ARPC1A: variants seen among roughly 807,000 people sequenced by gnomAD.
ARPC1A encodes the protein actin related protein 2/3 complex subunit 1A, also known as actin-related protein 2/3 complex subunit 1A.
ARPC1A carries 8 observed loss-of-function variants against 46.9 expected under a neutral mutation model. The observed-to-expected ratio is 0.17, with a 90% CI of 0.10 to 0.31. The LOEUF (loss-of-function observed/expected upper bound fraction) is 0.31. Among genes scored for constraint, ARPC1A ranks in the 10% least tolerant of loss-of-function variants. The pLI is 1.00. For missense variants in ARPC1A, 286 were observed against 483.6 expected, an observed-to-expected ratio of 0.59 and a Z score of 3.83; for synonymous variants, 152 against 169.0, an observed-to-expected ratio of 0.90 and a Z score of 0.78.
chr7:99,353,456 C>T (rs1404066662), intron 5 of ARPC1A, among the ~76,000 whole-genome samples: 1 of 124,412 alleles, frequency 8.0e-6, no homozygotes, highest in African/African-American at 3.8e-5. Flanking sequence ...CCGCACCCAG[C>T]CTTATTTATT....
intron 1 of ARPC1A, among the ~76,000 whole-genome samples, chr7:99,328,309 C>T (rs909962283): frequency 6.6e-6 from 1 of 152,042 alleles, no homozygotes; most frequent in African/African-American, 2.4e-5. Context: ...ACGGAGGTTG[C>T]GGTGAGCTGA....
chr7:99,328,027 C>T (rs897456771), intron 1 of ARPC1A, among the ~76,000 whole-genome samples: 5 of 152,154 alleles, frequency 3.3e-5, no homozygotes, highest in Non-Finnish European at 5.9e-5. Context: ...CATATGTCAA[C>T]GTTTCCAAGC....
intron 5 of ARPC1A, among the ~76,000 whole-genome samples, chr7:99,353,538 C>T (rs985190652): frequency 1.3e-5 from 2 of 151,306 alleles, no homozygotes; most frequent in African/African-American, 4.9e-5. Flanking sequence ...AGTGCAGTGG[C>T]GTGATCTCGG....
At position 99,362,336 on chromosome 7, in the gene ARPC1A, C is replaced by CCCTTT. The variant is rs1562803976; in HGVS notation, c.984-1207_984-1206insCCTTT. 2.3e-5 allele frequency among the ~76,000 whole-genome samples: 3 copies of CCCTTT among 129,634 alleles called. 1 individual carries two copies. The highest frequency in any genetic ancestry group is 5.8e-5 in the African/African-American group (2 of 34,334). The allele number at this position is 129,634 out of a possible 152,430, so 85.0% of individuals were successfully genotyped here. On this transcript the variant is annotated intron_variant, in intron 8 of 9. Coordinates refer to ENST00000262942, the MANE Select transcript of ARPC1A (RefSeq NM_006409.4). ...AATAAAAATGTAAAACCCCGCCCCCCTTTTTTTTTTTTTTTTTGAGATGGA... is the reference window on the plus strand; with the variant it reads ...AATAAAAATGTAAAACCCCGCCCCCCCCTTTTTTTTTTTTTTTTTTTTGAGATGGA...
intron 1 of ARPC1A, among the ~76,000 whole-genome samples, chr7:99,329,913 T>C (rs1022945486): frequency 6.6e-6 from 1 of 152,226 alleles, no homozygotes; most frequent in Non-Finnish European, 1.5e-5. Context: ...AATGTGGCTT[T>C]TGAACTAAAG....
intron 3 of ARPC1A, among the ~76,000 whole-genome samples, chr7:99,341,398 G>A (rs1017187156): frequency 2.6e-5 from 4 of 151,954 alleles, no homozygotes; most frequent in Admixed American, 6.6e-5. Flanking sequence ...ACCTGAGGTC[G>A]GGAGTTCGAG....
chr7:99,332,837 G>A (rs1372507820), intron 1 of ARPC1A, among the ~76,000 whole-genome samples: 2 of 151,360 alleles, frequency 1.3e-5, no homozygotes, highest in African/African-American at 2.4e-5. Context: ...TCCTGACCTC[G>A]TGACCTGCCT....
intron 2 of ARPC1A, among the ~76,000 whole-genome samples, chr7:99,335,132 C>T (rs1274589269): frequency 6.6e-6 from 1 of 151,984 alleles, no homozygotes; most frequent in Non-Finnish European, 1.5e-5. Flanking sequence ...GTGTAAGCCA[C>T]TGCGCCCGGC....
chr7:99,358,320 A>T lies in ARPC1A; in HGVS notation c.714-20A>T, dbSNP rs201592563. 6.2e-7 allele frequency: 1 copy of T among 1,611,942 alleles called. No individual in the cohort carries two copies. The highest frequency in any genetic ancestry group is 8.5e-7 in the Non-Finnish European group (1 of 1,178,162). ...TAATAGTCTGTTGCATCTTGGGATA[A>T]CACATGTTCTTGTGTTCAGGGTCTC... On this transcript the variant is annotated intron_variant, in intron 6 of 9. Coordinates refer to ENST00000262942, the MANE Select transcript of ARPC1A (RefSeq NM_006409.4).
At chr7:99,331,387 C>A (rs1793141083) in intron 1 of ARPC1A, among the ~76,000 whole-genome samples, 2 of 151,978 alleles carry the variant, frequency 1.3e-5, no homozygotes. Flanking sequence ...GAGAGCAAGA[C>A]CCTATCTCCC....
intron 4 of ARPC1A, among the ~76,000 whole-genome samples, chr7:99,344,920 CTTTTTTTTTTTTTTTT>C (rs1172071932): frequency 0.019 from 390 of 20,134 alleles, 10 homozygotes; most frequent in African/African-American, 0.08. Flanking sequence ...TAACAATGTT[CTTTTTTTTTTTTTTTT>C]TTTTTTTTTT....
chr7:99,360,004 T>C (rs1248613789), intron 8 of ARPC1A: 8 of 506,548 alleles, frequency 1.6e-5, no homozygotes, highest in Non-Finnish European at 2.9e-5. Context: ...GCAGACCTTG[T>C]TGCAATCTGA....
intron 6 of ARPC1A, among the ~76,000 whole-genome samples, chr7:99,358,009 T>C (rs967785903): frequency 6.6e-6 from 1 of 152,180 alleles, no homozygotes; most frequent in Non-Finnish European, 1.5e-5. Flanking sequence ...GAAGCCACTT[T>C]AGGCGGAAGT....
At position 99,339,212 on chromosome 7, in the gene ARPC1A, A is replaced by G. The variant is rs528392123; in HGVS notation, c.169+927A>G. On this transcript the variant is annotated intron_variant, in intron 3 of 9. Transcript: ENST00000262942. The stretch of plus-strand genomic sequence containing the variant: ...GCAGACTATAATTTGCTATGACACC[A>G]TTCCAGTCCATTTTTAATACATTTA... Among the ~76,000 whole-genome samples, 3 of 152,272 alleles carry G rather than the reference A, an allele frequency of 2.0e-5. No homozygotes were observed. The South Asian group carries it at 6.2e-4, about 32-fold the overall frequency.
rs562095971 is a variant in ARPC1A, at chr7:99,345,090, G to A, written c.392+575G>A. Among the ~76,000 whole-genome samples, 514 of 151,276 alleles carry A rather than the reference G, an allele frequency of 3.4e-3. 3 individuals carry two copies. The highest frequency in any genetic ancestry group is 5.9e-3 in the Admixed American group (90 of 15,154). On this transcript the variant is annotated intron_variant, in intron 4 of 9. Transcript: ENST00000262942. Reference sequence around the variant, plus strand: ...GCTGGGATTACAGTCACCTGCCATCGTGCCCGGCTAATTTTTGTAGTTTTA... The same window carrying A: ...GCTGGGATTACAGTCACCTGCCATCATGCCCGGCTAATTTTTGTAGTTTTA...
intron 1 of ARPC1A, among the ~76,000 whole-genome samples, chr7:99,330,315 G>C (rs1035975420): frequency 2.0e-5 from 3 of 150,086 alleles, no homozygotes; most frequent in African/African-American, 7.4e-5. Flanking sequence ...CTTTTTGTTT[G>C]TTTGTTTGTT....
intron 8 of ARPC1A, among the ~76,000 whole-genome samples, chr7:99,360,862 A>G (rs1241360130): frequency 2.7e-5 from 4 of 147,102 alleles, no homozygotes; most frequent in African/African-American, 1.0e-4. Context: ...AATTGCTTGA[A>G]CCGGGCAGGT....
At chr7:99,360,021 G>A in intron 8 of ARPC1A, 1 of 478,292 alleles carries the variant, frequency 2.1e-6, no homozygotes, top group Non-Finnish European at 3.8e-6. Flanking sequence ...CTGAGGTGGT[G>A]GGGCCTCAGG....
intron 6 of ARPC1A, among the ~76,000 whole-genome samples, chr7:99,355,510 C>A (rs1793613020): frequency 6.6e-6 from 1 of 152,080 alleles, no homozygotes; most frequent in Non-Finnish European, 1.5e-5. Flanking sequence ...TTTGGGAGGC[C>A]AAGGTGGGTG....
Sources: gnomAD v4.1 joint callset for allele counts (sites outside exome capture counted in the v4.1 genomes callset) on GRCh38, gnomAD v4.1.1 for gene constraint, MANE v1.5 for transcripts, NCBI Gene and HGNC (gene_info 2026-07-23, HGNC 2026-07-21) for gene names.